The following PLEKHA6 variants were observed in gnomAD, a reference collection of about 807,000 sequenced individuals.
PLEKHA6 encodes pleckstrin homology domain containing A6.
A neutral mutation model predicts 116.7 loss-of-function variants in PLEKHA6; 60 were observed. That is an observed-to-expected ratio of 0.51 (90% confidence interval 0.42 to 0.64). The LOEUF (loss-of-function observed/expected upper bound fraction) is 0.64. Ranked by LOEUF, PLEKHA6 falls within the 30% of genes least tolerant of loss-of-function variation. The pLI is 0.00. For synonymous variants in PLEKHA6, 489 were observed against 556.1 expected, an observed-to-expected ratio of 0.88 and a Z score of 1.70; for missense variants, 1,338 against 1,422.7, an observed-to-expected ratio of 0.94 and a Z score of 0.96.
intron 3 of PLEKHA6, among the ~76,000 whole-genome samples, chr1:204,270,823 A>T (rs959504834): frequency 6.6e-6 from 1 of 152,108 alleles, no homozygotes; most frequent in Non-Finnish European, 1.5e-5. Context: ...CCTGTCACCC[A>T]CCTTCTGCCC....
At chr1:204,240,859 T>C (rs1195861408) in intron 17 of PLEKHA6, among the ~76,000 whole-genome samples, 1 of 152,174 alleles carries the variant, frequency 6.6e-6, no homozygotes, top group Non-Finnish European at 1.5e-5. Flanking sequence ...AAGGCAGAGC[T>C]ACCCTTAATC....
Position 204,229,007 on chromosome 1 carries a change from C to T in PLEKHA6, c.2681G>A (p.Arg894Gln), listed in dbSNP as rs751281668. 3.2e-5 allele frequency: 52 copies of T among 1,614,052 alleles called. No homozygotes were observed. Among genetic ancestry groups the T allele is most frequent in the Non-Finnish European group, 4.1e-5 (48 of 1,180,020 alleles). ...TTTGCGAAGCCGGGCAATTTCCTCC[C>T]GGGGTGTCTCGTAGGCATGCCCGCC... ...EPGGHAYETP[R>Q]EEIARLRKME... Residue 894 changes from arginine (R) to glutamine (Q), a missense_variant, in exon 19 of 23, where the codon CGG becomes CAG. Arg to Gln is a conservative substitution (Grantham distance 43, BLOSUM62 1). This residue lies in a region of PLEKHA6 where 1,136 missense variants were observed against 1,163.6 expected (regional missense o/e 0.98). Coordinates refer to ENST00000272203, the MANE Select transcript of PLEKHA6 (RefSeq NM_014935.5).
Position 204,261,253 on chromosome 1 carries a change from C to T in PLEKHA6, c.524+53G>A. ...ATGGCCCAGAGCTGGGTGTGTCTTCCATTCCCCTCTTTATTCTTCCTGCAC... is the reference window on the plus strand; with the variant it reads ...ATGGCCCAGAGCTGGGTGTGTCTTCTATTCCCCTCTTTATTCTTCCTGCAC... On this transcript the variant is annotated intron_variant, in intron 7 of 22. Coordinates refer to ENST00000272203, the MANE Select transcript of PLEKHA6 (RefSeq NM_014935.5). The surrounding 1 kb of genome is among the most constrained non-coding windows in gnomAD (Gnocchi z 4.0). 2.5e-6 allele frequency: 4 copies of T among 1,603,966 alleles called. No homozygotes were observed. The highest frequency in any genetic ancestry group is 2.6e-6 in the Non-Finnish European group (3 of 1,170,834).
chr1:204,302,628 G>A (rs1361035935), intron 1 of PLEKHA6, among the ~76,000 whole-genome samples: 1 of 152,226 alleles, frequency 6.6e-6, no homozygotes, highest in Non-Finnish European at 1.5e-5. Context: ...TATAATACCA[G>A]CACTTTGGGA....
Position 204,247,379 on chromosome 1 carries a change from T to C in PLEKHA6, c.1906A>G (p.Asn636Asp), listed in dbSNP as rs550853268. Residue 636 changes from asparagine to aspartate, a missense_variant, in exon 13 of 23, where the codon AAT becomes GAT. This residue lies in a region of PLEKHA6 where 1,136 missense variants were observed against 1,163.6 expected (regional missense o/e 0.98). Coordinates refer to ENST00000272203, the MANE Select transcript of PLEKHA6 (RefSeq NM_014935.5). ...CCCTTCTTCACCTGGGTGTCCAAAT[T>C]GAGCTGCTCCCAGAGGTCATCGTGC... ...ALHDDLWEQLNLDTQNEVLNR... is the reference protein window; with the variant it reads ...ALHDDLWEQLDLDTQNEVLNR... The C allele has an allele frequency of 1.7e-5, 28 of 1,610,604 alleles. No homozygotes were observed. The highest frequency in any genetic ancestry group is 5.0e-5 in the Admixed American group (3 of 60,004).
chr1:204,308,549 C>T (rs897183350), intron 1 of PLEKHA6, among the ~76,000 whole-genome samples: 2 of 152,050 alleles, frequency 1.3e-5, no homozygotes, highest in African/African-American at 4.8e-5. Flanking sequence ...TAAAATGAGG[C>T]TAAGGATCCC....
chr1:204,368,902 C>T (rs1449156451), intron 2 of PLEKHA6: 1 of 152,288 alleles, frequency 6.6e-6, no homozygotes, highest in Non-Finnish European at 1.5e-5. Context: ...CGAAGCATAG[C>T]TATTCACTGC....
chr1:204,237,371 C>A (rs1662212105), intron 17 of PLEKHA6, among the ~76,000 whole-genome samples: 2 of 152,146 alleles, frequency 1.3e-5, no homozygotes, highest in Non-Finnish European at 2.9e-5. Context: ...AATAGTAAAT[C>A]AAAAACAATA....
chr1:204,267,893 C>T (rs1244091728), intron 4 of PLEKHA6, among the ~76,000 whole-genome samples: 2 of 152,110 alleles, frequency 1.3e-5, no homozygotes, highest in Non-Finnish European at 2.9e-5. Flanking sequence ...CCCCTACCCC[C>T]CACCATAATA....
At position 204,220,383 on chromosome 1, in the gene PLEKHA6, T is replaced by G. The variant is rs1235235675; in HGVS notation, c.*2405A>C. The G allele has an allele frequency of 6.6e-6, 1 of 152,558 alleles. No homozygotes were observed. Among genetic ancestry groups the G allele is most frequent in the Admixed American group, 6.5e-5 (1 of 15,280 alleles). The allele number at this position is 152,558 out of a possible 1,614,324, so 9.5% of individuals were successfully genotyped here. On this transcript the variant is annotated 3_prime_UTR_variant, in exon 23 of 23. Transcript: ENST00000272203. ...GCCCTGCCCCCGGCAAGATGCTTTC[T>G]GGGTGAGCTCTGGGGACCAGCCCTT...
At chr1:204,369,324 T>C (rs1468883338) in intron 2 of PLEKHA6, 5 of 152,240 alleles carry the variant, frequency 3.3e-5, no homozygotes, top group Admixed American at 6.5e-5. Context: ...ACACAGGAAG[T>C]GTCTGGGCCG....
rs1253918777 is a variant in PLEKHA6 at position 204,257,643 on chromosome 1, G to A, written c.1234C>T (p.Pro412Ser). 1 of 1,609,530 alleles carries A rather than the reference G, an allele frequency of 6.2e-7. No homozygotes were observed. The highest frequency in any genetic ancestry group is 2.2e-5 in the East Asian group (1 of 44,806). ...PAYQLREWKE[P>S]ASYGRQDATV... The stretch of plus-strand genomic sequence containing the variant: ...GCATCCTGCCGCCCGTAGCTGGCGG[G>A]CTCCTTCCACTCTCGCAGCTGGTAG... The change falls in exon 9 of 23, where the codon CCC (proline) becomes TCC (serine). Residue 412 changes from proline to serine, a missense_variant. Pro to Ser is a moderately conservative substitution (Grantham distance 74). Around this residue, in one of 3 missense-constraint regions of PLEKHA6, gnomAD observed 1,136 missense variants for 1,163.6 expected, o/e 0.98. Coordinates refer to ENST00000272203, the MANE Select transcript of PLEKHA6 (RefSeq NM_014935.5). The surrounding 1 kb of genome is among the most constrained non-coding windows in gnomAD (Gnocchi z 6.5).
chr1:204,349,089 G>C (rs1190141687), intron 1 of PLEKHA6, among the ~76,000 whole-genome samples: 1 of 152,154 alleles, frequency 6.6e-6, no homozygotes, highest in African/African-American at 2.4e-5. Flanking sequence ...TCTTTTCACA[G>C]CTCTCCTCAG....
At chr1:204,280,916 ATCAGAGGCCC>A (rs1668526101) in intron 1 of PLEKHA6, 4 of 603,868 alleles carry the variant, frequency 6.6e-6, no homozygotes, top group Non-Finnish European at 2.1e-6. Flanking sequence ...GCCACTTCTC[ATCAGAGGCCC>A]TCTGTTTTCC....
At chr1:204,241,963 C>T (rs546160455) in intron 15 of PLEKHA6, 149 bp from the exon 16 acceptor site, 122 of 843,178 alleles carry the variant, frequency 1.4e-4, no homozygotes, top group African/African-American at 2.0e-4. Flanking sequence ...GCCTGGGAGG[C>T]GGACAGGAAT....
chr1:204,364,758 C>T (rs559060156), upstream of PLEKHA6, among the ~76,000 whole-genome samples: 5 of 152,162 alleles, frequency 3.3e-5, no homozygotes, highest in African/African-American at 1.2e-4. Context: ...GTGTGGGCCC[C>T]AGAGCAGCCA....
intron 1 of PLEKHA6, among the ~76,000 whole-genome samples, chr1:204,337,775 T>A (rs912978161): frequency 6.6e-6 from 1 of 151,990 alleles, no homozygotes; most frequent in Non-Finnish European, 1.5e-5. Context: ...GAGGAGCAAT[T>A]GGGAGGCACG....
intron 1 of PLEKHA6, 85 bp downstream of exon 1, chr1:204,359,609 C>A (rs1253976822): frequency 2.0e-6 from 2 of 985,254 alleles, no homozygotes; most frequent in Non-Finnish European, 2.4e-6. Context: ...CAGGCTCACG[C>A]GGCAGACAGG....
At chr1:204,319,636 G>A (rs968451677) in intron 1 of PLEKHA6, among the ~76,000 whole-genome samples, 2 of 152,150 alleles carry the variant, frequency 1.3e-5, no homozygotes, top group African/African-American at 4.8e-5. Context: ...TCTGAGTCAC[G>A]CCTGTTGTCC....
Sources: allele counts gnomAD v4.1 joint callset (sites outside exome capture counted in the v4.1 genomes callset), GRCh38; gene constraint gnomAD v4.1.1; regional missense constraint gnomAD v4.1.1; non-coding constraint Gnocchi (gnomAD v3.1); transcripts MANE v1.5; gene names NCBI Gene and HGNC (gene_info 2026-07-23, HGNC 2026-07-21).